SAR1B: variants seen among roughly 807,000 people sequenced by gnomAD.
The protein encoded by SAR1B is small COPII coat GTPase SAR1B.
A neutral mutation model predicts 26.8 loss-of-function variants in SAR1B; 23 were observed. The ratio of observed to expected loss-of-function variants is 0.86; its 90% CI spans 0.62 to 1.22. SAR1B has a LOEUF of 1.22. Among genes scored for constraint, SAR1B ranks in the 50% most tolerant of loss-of-function variants. The probability of loss-of-function intolerance (pLI) is 0.00; values close to 1 mark genes in which losing one functional copy is unlikely to be tolerated. For missense variants in SAR1B, 196 were observed against 232.8 expected (o/e 0.84, Z 1.03); for synonymous variants, 65 against 80.8 (o/e 0.80, Z 1.05).
rs1379690593 is a variant in SAR1B at position 134,602,849 on chromosome 5, G to C, written c.*4101C>G. ...GCCAAGATCGCACCACTGCACTCCA[G>C]CCTGGGCAACAGAGTGAGACTTCAT... On this transcript the variant is annotated 3_prime_UTR_variant, in exon 7 of 7. Transcript: ENST00000402673. The C allele has an allele frequency of 6.6e-6, 1 of 151,884 alleles. No homozygotes were observed. Among genetic ancestry groups the C allele is most frequent in the African/African-American group, 2.4e-5 (1 of 41,312 alleles). 9.4% of individuals were successfully genotyped at this position (151,884 alleles called of 1,614,324 possible). A position where few individuals can be genotyped will look rare whatever the true frequency, so the allele number is the denominator to read the frequency against.
intron 1 of SAR1B, 107 bp from the exon 2 acceptor site, chr5:134,624,144 T>C: frequency 1.4e-6 from 1 of 733,014 alleles, no homozygotes; most frequent in Non-Finnish European, 2.5e-6. Context: ...ACAGCAACTT[T>C]ACTACAAAGA....
Position 134,612,680 on chromosome 5 carries a change from A to AAAAT in SAR1B, c.244+10_244+11insATTT. On this transcript the variant is annotated intron_variant, in intron 4 of 6. Coordinates refer to ENST00000402673, the MANE Select transcript of SAR1B (RefSeq NM_016103.4). ...AAAAAAAAAAAAAAAAAAAAAAAAA[A>AAAAT]AGAATCTTACCTTGAACATGTCCAC... 1.9e-6 allele frequency: 2 copies of AAAAT among 1,043,430 alleles called. No individual in the cohort carries two copies. The highest frequency in any genetic ancestry group is 2.6e-6 in the Non-Finnish European group (2 of 760,636). 64.6% of individuals were successfully genotyped at this position (1,043,430 alleles called of 1,614,324 possible).
At chr5:134,626,409 A>G (rs2150056061) in intron 1 of SAR1B, among the ~76,000 whole-genome samples, 1 of 151,736 alleles carries the variant, frequency 6.6e-6, no homozygotes, top group African/African-American at 2.4e-5. Context: ...TATTTTAAGT[A>G]GAAGTAAAAA....
intron 3 of SAR1B, chr5:134,614,923 G>A (rs996389959): frequency 2.0e-5 from 3 of 152,060 alleles, no homozygotes; most frequent in East Asian, 1.9e-4. Flanking sequence ...TTTTTTGTCC[G>A]GTTTTCTAGT....
chr5:134,618,019 TA>T (rs1000625925), intron 3 of SAR1B, among the ~76,000 whole-genome samples: 4 of 113,746 alleles, frequency 3.5e-5, no homozygotes, highest in Non-Finnish European at 7.8e-5. Context: ...TCTCCTAATA[TA>T]AAAAAAAGAT....
chr5:134,612,680 A>AAAAAAAAAAAAAAAAAAAAAAAAT lies in SAR1B; in HGVS notation c.244+10_244+11insATTTTTTTTTTTTTTTTTTTTTTT. On this transcript the variant is annotated intron_variant, in intron 4 of 6. Coordinates refer to ENST00000402673, the MANE Select transcript of SAR1B (RefSeq NM_016103.4). The stretch of plus-strand genomic sequence containing the variant: ...AAAAAAAAAAAAAAAAAAAAAAAAA[A>AAAAAAAAAAAAAAAAAAAAAAAAT]AGAATCTTACCTTGAACATGTCCAC... 1 of 1,043,436 alleles carries AAAAAAAAAAAAAAAAAAAAAAAAT rather than the reference A, an allele frequency of 9.6e-7. No individual in the cohort carries two copies. The highest frequency in any genetic ancestry group is 1.3e-6 in the Non-Finnish European group (1 of 760,640). 64.6% of individuals were successfully genotyped at this position (1,043,436 alleles called of 1,614,324 possible).
chr5:134,612,655 A>G (rs1317081685), intron 4 of SAR1B, 36 bp downstream of exon 4: 1 of 508,092 alleles, frequency 2.0e-6, no homozygotes, highest in South Asian at 4.1e-5. Flanking sequence ...AAAAAAAAAA[A>G]AAAAAAAAAA....
At position 134,609,602 on chromosome 5, in the gene SAR1B, T is replaced by C; in HGVS notation, c.317A>G (p.Glu106Gly). Residue 106 changes from glutamate (E) to glycine (G), a missense_variant, in exon 5 of 7, where the codon GAA (glutamate) becomes GGA (glycine). Glu to Gly is a moderately conservative substitution (Grantham distance 98). Coordinates refer to ENST00000402673, the MANE Select transcript of SAR1B (RefSeq NM_016103.4). Reference sequence around the variant, plus strand: ...TTCTTCTTTTGACTCTAACAGCCTTTCGTGGTCTGCACAATCCACCAGAAA... The same window carrying C: ...TTCTTCTTTTGACTCTAACAGCCTTCCGTGGTCTGCACAATCCACCAGAAA... ...IVFLVDCADH[E>G]RLLESKEELD... 3 of 1,614,192 alleles carry C rather than the reference T, an allele frequency of 1.9e-6. No homozygotes were observed. Among genetic ancestry groups the C allele is most frequent in the Non-Finnish European group, 2.5e-6 (3 of 1,180,012 alleles).
At position 134,603,726 on chromosome 5, in the gene SAR1B, G is replaced by A. The variant is rs1765083413; in HGVS notation, c.*3224C>T. The A allele has an allele frequency of 6.6e-6, 1 of 152,272 alleles. No individual in the cohort carries two copies. Among genetic ancestry groups the A allele is most frequent in the South Asian group, 2.1e-4 (1 of 4,838 alleles). The allele number at this position is 152,272 out of a possible 1,614,324, so 9.4% of individuals were successfully genotyped here. On this transcript the variant is annotated 3_prime_UTR_variant, in exon 7 of 7. Coordinates refer to ENST00000402673, the MANE Select transcript of SAR1B (RefSeq NM_016103.4). Reference sequence around the variant, plus strand: ...AGGCAGGAGAATCACTTGAACCCCGGAGGTGGAGGTTGCAGTAAGCAGAGA... The same window carrying A: ...AGGCAGGAGAATCACTTGAACCCCGAAGGTGGAGGTTGCAGTAAGCAGAGA...
chr5:134,609,260 T>A (rs1239629875), intron 5 of SAR1B: 1 of 430,476 alleles, frequency 2.3e-6, no homozygotes. Flanking sequence ...GACCAGGGAC[T>A]CAAGATCAAC....
At chr5:134,630,456 CAAA>C (rs773343974) in intron 1 of SAR1B, among the ~76,000 whole-genome samples, 3 of 41,562 alleles carry the variant, frequency 7.2e-5, no homozygotes, top group African/African-American at 9.0e-5. Flanking sequence ...AACTCTATCT[CAAA>C]AAAAAAAAAA....
At chr5:134,608,937 A>C in intron 5 of SAR1B, 2 of 368,644 alleles carry the variant, frequency 5.4e-6, no homozygotes, top group Non-Finnish European at 1.1e-5. Flanking sequence ...GTAGGAACTC[A>C]GGCATTCTCT....
At chr5:134,621,201 G>T in intron 2 of SAR1B, 149 bp from the exon 3 acceptor site, 1 of 849,008 alleles carries the variant, frequency 1.2e-6, no homozygotes, top group Non-Finnish European at 1.8e-6. Context: ...CGGGCACGGT[G>T]GCTCACACCT....
intron 3 of SAR1B, among the ~76,000 whole-genome samples, chr5:134,616,411 T>C (rs1180617404): frequency 7.0e-6 from 1 of 143,270 alleles, no homozygotes; most frequent in Non-Finnish European, 1.5e-5. Context: ...CACTCCAGCC[T>C]GGGGGACAAG....
At chr5:134,618,309 T>TC (rs757136405) in intron 3 of SAR1B, 6 of 152,104 alleles carry the variant, frequency 3.9e-5, no homozygotes, top group Non-Finnish European at 8.8e-5. Context: ...AGAGCGAGAC[T>TC]CCATCTCAAA....
chr5:134,601,708 T>G lies in SAR1B; in HGVS notation c.*5242A>C, dbSNP rs1197065728. On this transcript the variant is annotated 3_prime_UTR_variant, in exon 7 of 7. Coordinates refer to ENST00000402673, the MANE Select transcript of SAR1B (RefSeq NM_016103.4). ...TGTATGTCAAAAACAGAACTGTTCC[T>G]GCCTTTCACCCCAAAATATTTAAAA... The G allele has an allele frequency of 6.6e-6, 1 of 152,234 alleles. No individual in the cohort carries two copies. Among genetic ancestry groups the G allele is most frequent in the Non-Finnish European group, 1.5e-5 (1 of 68,046 alleles). 9.4% of individuals were successfully genotyped at this position (152,234 alleles called of 1,614,324 possible). A position where few individuals can be genotyped will look rare whatever the true frequency, so the allele number is the denominator to read the frequency against.
At chr5:134,630,872 T>C (rs532459088) in intron 1 of SAR1B, among the ~76,000 whole-genome samples, 13 of 149,544 alleles carry the variant, frequency 8.7e-5, no homozygotes, top group Non-Finnish European at 1.2e-4. Context: ...CATTTCCTTT[T>C]CTATTTCTTT....
rs1765455928 is a variant in SAR1B, at chr5:134,623,994, T to C, written c.26A>G (p.Tyr9Cys). 1 of 1,611,790 alleles carries C rather than the reference T, an allele frequency of 6.2e-7. No homozygotes were observed. Among genetic ancestry groups the C allele is most frequent in the Admixed American group, 1.7e-5 (1 of 59,990 alleles). Residue 9 changes from tyrosine (Y) to cysteine (C), a missense_variant, in exon 2 of 7, where the codon TAC becomes TGC. Physicochemically the swap from Tyr to Cys is radical, Grantham distance 194 (BLOSUM62 -2). Transcript: ENST00000402673. MSFIFDWI[Y>C]SGFSSVLQFL... is the part of the protein sequence containing the mutation. ...CTGTAGCACACTGCTGAAACCACTGTAAATCCAATCAAATATGAAGGACAT... is the reference window on the plus strand; with the variant it reads ...CTGTAGCACACTGCTGAAACCACTGCAAATCCAATCAAATATGAAGGACAT...
At chr5:134,608,557 G>T in intron 5 of SAR1B, 54 bp from the exon 6 acceptor site, 1 of 1,565,230 alleles carries the variant, frequency 6.4e-7, no homozygotes, top group Admixed American at 1.7e-5. Context: ...CATCCAAAGA[G>T]CTTATTTTGA....
Sources: gnomAD v4.1 joint callset for allele counts (sites outside exome capture counted in the v4.1 genomes callset) on GRCh38, gnomAD v4.1.1 for gene constraint, MANE v1.5 for transcripts, NCBI Gene and HGNC (gene_info 2026-07-23, HGNC 2026-07-21) for gene names.